Variants in KIF13B observed in about 807,000 individuals in gnomAD.
The protein encoded by KIF13B is kinesin family member 13B, also known as kinesin-like protein KIF13B.
In KIF13B, 127 loss-of-function variants were observed where a neutral mutation model predicts 222.0. The ratio of observed to expected loss-of-function variants is 0.57; its 90% CI spans 0.50 to 0.66. The LOEUF is 0.66. Ranked by LOEUF, KIF13B falls within the 30% of genes least tolerant of loss-of-function variation. The pLI, the probability that KIF13B is intolerant of heterozygous loss-of-function variation, is 0.00. For missense variants in KIF13B, 2,173 were observed against 2,379.0 expected (o/e 0.91, Z 1.80); for synonymous variants, 976 against 919.0 (o/e 1.06, Z -1.12).
intron 1 of KIF13B, chr8:29,250,199 C>CT (rs781261071): frequency 1.8e-5 from 8 of 436,384 alleles, no homozygotes; most frequent in Non-Finnish European, 3.0e-5. Flanking sequence ...CAGAAGAACT[C>CT]TAAGTGCCGT....
At chr8:29,109,850 A>T in intron 33 of KIF13B, 68 bp downstream of exon 33, 1 of 1,460,528 alleles carries the variant, frequency 6.8e-7, no homozygotes. Context: ...TGTGAATTAC[A>T]GAGTCAAACA....
intron 2 of KIF13B, among the ~76,000 whole-genome samples, chr8:29,217,172 C>G (rs1479052803): frequency 6.6e-6 from 1 of 152,210 alleles, no homozygotes; most frequent in Non-Finnish European, 1.5e-5. Context: ...TGTGCTCCCC[C>G]ACCCTGTAGA....
At chr8:29,092,421 C>T (rs1035213690) in intron 37 of KIF13B, among the ~76,000 whole-genome samples, 13 of 152,240 alleles carry the variant, frequency 8.5e-5, no homozygotes, top group African/African-American at 3.1e-4. Context: ...AATAGAATTA[C>T]ATTTTCTACT....
chr8:29,078,226 TG>T (rs1234731769), intron 37 of KIF13B, among the ~76,000 whole-genome samples: 2 of 130,104 alleles, frequency 1.5e-5, no homozygotes, highest in Non-Finnish European at 3.2e-5. Context: ...ACCTGGGAGG[TG>T]GAGGTTGCAG....
intron 18 of KIF13B, among the ~76,000 whole-genome samples, chr8:29,143,530 T>A (rs888516544): frequency 6.6e-6 from 1 of 152,226 alleles, no homozygotes; most frequent in African/African-American, 2.4e-5. Flanking sequence ...CCGTGCCAAA[T>A]GCCACTGAGT....
chr8:29,249,890 G>A, intron 1 of KIF13B: 1 of 489,550 alleles, frequency 2.0e-6, no homozygotes. Context: ...GTCTATTTCT[G>A]ATGTTTTGTC....
At chr8:29,218,710 G>C (rs1586941612) in intron 2 of KIF13B, among the ~76,000 whole-genome samples, 1 of 152,192 alleles carries the variant, frequency 6.6e-6, no homozygotes, top group African/African-American at 2.4e-5. Context: ...TGTTAAGAGA[G>C]TCATGGATTA....
rs1020789846 is a variant in KIF13B, at chr8:29,123,436, G to T, written c.3409C>A (p.Leu1137Ile). 1 of 1,613,934 alleles carries T rather than the reference G, an allele frequency of 6.2e-7. No individual in the cohort carries two copies. The highest frequency in any genetic ancestry group is 8.5e-7 in the Non-Finnish European group (1 of 1,179,906). The stretch of plus-strand genomic sequence containing the variant: ...ATCACCGCGTTCCTCTCCTCAGTTA[G>T]GGTCAACCGCATCTCCAGAAGCTGC... ...EAQLLEMRLT[L>I]TEERNAVMVP... Residue 1137 changes from leucine (L) to isoleucine (I), a missense_variant, in exon 28 of 40, where the codon CTA becomes ATA. Transcript: ENST00000524189.
chr8:29,116,928 A>G lies in KIF13B; in HGVS notation c.3740T>C (p.Leu1247Ser). 1 of 1,613,232 alleles carries G rather than the reference A, an allele frequency of 6.2e-7. No homozygotes were observed. The highest frequency in any genetic ancestry group is 8.5e-7 in the Non-Finnish European group (1 of 1,179,380). The change falls in exon 31 of 40, where the codon TTG (leucine) becomes TCG (serine). Residue 1247 changes from leucine (L) to serine (S), a missense_variant. Physicochemically the swap from Leu to Ser is moderately radical, Grantham distance 145. Transcript: ENST00000524189. ...LSRGTPVDER[L>S]FLIVRVTVQL... ...GACCGTCACGCGCACGATCAGGAAC[A>G]ACCGCTCGTCCACGGGCGTGCCCCT...
chr8:29,100,624 G>C (rs1490492730), intron 35 of KIF13B, among the ~76,000 whole-genome samples: 1 of 152,142 alleles, frequency 6.6e-6, no homozygotes, highest in African/African-American at 2.4e-5. Context: ...TGTATTTTTA[G>C]TAGAGATGGA....
rs372149187 is a variant in KIF13B, at chr8:29,167,559, G to A, written c.972C>T (p.Thr324=). 1.3e-4 allele frequency: 206 copies of A among 1,613,992 alleles called. No homozygotes were observed. The highest frequency in any genetic ancestry group is 6.6e-4 in the Middle Eastern group (4 of 6,062). Residue 324 remains threonine, a synonymous_variant, in exon 11 of 40, where the codon ACC becomes ACT. Transcript: ENST00000524189. ...LKDSLGGNSK[T]AMVATVSPAA... ...CAGGACTCACAGTAGCCACCATGGC[G>A]GTCTTGCTGTTACCCCCGAGGCTGT...
At chr8:29,114,784 T>C (rs952508376) in intron 31 of KIF13B, among the ~76,000 whole-genome samples, 2 of 152,074 alleles carry the variant, frequency 1.3e-5, no homozygotes, top group African/African-American at 4.8e-5. Flanking sequence ...CCAAGCAACA[T>C]GCGGCGACTA....
chr8:29,225,398 T>C (rs895938915), intron 2 of KIF13B, among the ~76,000 whole-genome samples: 3 of 152,228 alleles, frequency 2.0e-5, no homozygotes, highest in African/African-American at 7.2e-5. Flanking sequence ...CTGGCTCCTC[T>C]GGACTCAAAA....
intron 32 of KIF13B, among the ~76,000 whole-genome samples, chr8:29,112,578 C>T (rs989513342): frequency 1.3e-5 from 2 of 152,072 alleles, no homozygotes; most frequent in Non-Finnish European, 2.9e-5. Flanking sequence ...GTATGAGGGG[C>T]GTCTTCTGAT....
At chr8:29,176,391 T>C (rs1417006189) in intron 9 of KIF13B, among the ~76,000 whole-genome samples, 1 of 152,172 alleles carries the variant, frequency 6.6e-6, no homozygotes, top group East Asian at 1.9e-4. Flanking sequence ...CCTAATATTT[T>C]GTAGTACATA....
chr8:29,200,619 T>C, intron 2 of KIF13B, among the ~76,000 whole-genome samples: 1 of 152,172 alleles, frequency 6.6e-6, no homozygotes, highest in East Asian at 1.9e-4. Flanking sequence ...AAATTAACCA[T>C]CAACACAGTT....
intron 2 of KIF13B, among the ~76,000 whole-genome samples, chr8:29,226,429 T>C (rs7008934): frequency 0.14 from 21,681 of 152,194 alleles, 1,624 homozygotes; most frequent in Non-Finnish European, 0.16. Context: ...CAGATTCAGC[T>C]TCTGGCCTTG....
Position 29,148,705 on chromosome 8 carries a change from A to G in KIF13B, c.1685T>C (p.Met562Thr), listed in dbSNP as rs1586844103. The G allele has an allele frequency of 6.2e-6, 10 of 1,611,722 alleles. No homozygotes were observed. Among genetic ancestry groups the G allele is most frequent in the Non-Finnish European group, 8.5e-6 (10 of 1,178,916 alleles). ...EREDEDQDPS[M>T]KNENSSEQLD... is the part of the protein sequence containing the mutation. ...CTGCTCAGAACTATTCTCGTTCTTCATGGAGGGATCCTGGTCCTCATCCTC... is the reference window on the plus strand; with the variant it reads ...CTGCTCAGAACTATTCTCGTTCTTCGTGGAGGGATCCTGGTCCTCATCCTC... The change falls in exon 16 of 40, where the codon ATG becomes ACG. Residue 562 changes from methionine to threonine, a missense_variant. Met to Thr is a moderately conservative substitution (Grantham distance 81, BLOSUM62 -1). This residue lies in a region of KIF13B where 1,480 missense variants were observed against 1,722.8 expected (regional missense o/e 0.86). Coordinates refer to ENST00000524189, the MANE Select transcript of KIF13B (RefSeq NM_015254.4).
chr8:29,225,367 C>G (rs1814974610), intron 2 of KIF13B, among the ~76,000 whole-genome samples: 1 of 152,150 alleles, frequency 6.6e-6, no homozygotes, highest in South Asian at 2.1e-4. Flanking sequence ...AAGTAACATC[C>G]TGAGTCAAAA....
Sources: gnomAD v4.1 joint callset for allele counts (sites outside exome capture counted in the v4.1 genomes callset) on GRCh38, gnomAD v4.1.1 for gene constraint, gnomAD v4.1.1 regional missense constraint, MANE v1.5 for transcripts, NCBI Gene and HGNC (gene_info 2026-07-23, HGNC 2026-07-21) for gene names.